The following IL27RA variants were observed in gnomAD, a reference collection of about 807,000 sequenced individuals.
The protein encoded by IL27RA is interleukin 27 receptor subunit alpha.
Under a neutral mutation model 80.8 loss-of-function variants are expected in IL27RA, and 61 were observed. The observed-to-expected ratio is 0.76, with a 90% CI of 0.61 to 0.93. IL27RA has a LOEUF of 0.93. IL27RA is among the 40% of genes least tolerant of loss of function. The pLI is 0.00. For synonymous variants in IL27RA, 316 were observed against 332.5 expected, an observed-to-expected ratio of 0.95 and a Z score of 0.54; for missense variants, 735 against 808.1, an observed-to-expected ratio of 0.91 and a Z score of 1.10.
intron 11 of IL27RA, among the ~76,000 whole-genome samples, chr19:14,051,315 C>T (rs191485626): frequency 1.4e-4 from 21 of 151,918 alleles, no homozygotes; most frequent in Admixed American, 6.6e-5. Flanking sequence ...GAGGCCGAGG[C>T]GGGTGGATCA....
chr19:14,031,938 G>A lies in IL27RA; in HGVS notation c.66G>A (p.Leu22=). 1.2e-6 allele frequency: 2 copies of A among 1,611,194 alleles called. No individual in the cohort carries two copies. Among genetic ancestry groups the A allele is most frequent in the Non-Finnish European group, 1.7e-6 (2 of 1,178,836 alleles). Residue 22 remains leucine, a synonymous_variant, in exon 1 of 14, where the codon CTG becomes CTA. Coordinates refer to ENST00000263379, the MANE Select transcript of IL27RA (RefSeq NM_004843.4). ...TGCCCAAGCTGGCGCTGCTGCCTCT[G>A]TTGTGGGTGCTTTTCCAGCGGACGC... is the stretch of plus-strand genomic sequence containing the variant. ...WPLPKLALLP[L]LWVLFQRTRP... is the part of the protein sequence containing the mutation.
chr19:14,051,821 C>T, intron 12 of IL27RA, 59 bp from the exon 13 acceptor site: 1 of 1,468,582 alleles, frequency 6.8e-7, no homozygotes, highest in Non-Finnish European at 9.4e-7. Context: ...AACCCTGCAC[C>T]CTGGGCTGGG....
chr19:14,044,365 G>T (rs180961749), intron 6 of IL27RA, among the ~76,000 whole-genome samples: 453 of 152,000 alleles, frequency 3.0e-3, no homozygotes, highest in Non-Finnish European at 5.2e-3. Flanking sequence ...TCAGCCTCCT[G>T]AGTAGCTGTG....
At chr19:14,035,871 C>T (rs933164714) in intron 2 of IL27RA, among the ~76,000 whole-genome samples, 2 of 152,006 alleles carry the variant, frequency 1.3e-5, no homozygotes, top group Non-Finnish European at 2.9e-5. Flanking sequence ...ACCTCAAACT[C>T]CTGGGCTCCA....
chr19:14,032,745 G>C (rs1452343182), intron 2 of IL27RA, among the ~76,000 whole-genome samples: 2 of 145,888 alleles, frequency 1.4e-5, no homozygotes, highest in East Asian at 4.0e-4. Flanking sequence ...GGCGGAGGTT[G>C]CAGTAAGCCC....
intron 1 of IL27RA, 104 bp from the exon 2 acceptor site, chr19:14,032,282 A>C: frequency 4.4e-6 from 4 of 901,296 alleles, no homozygotes; most frequent in Non-Finnish European, 7.0e-6. Flanking sequence ...TCATTTCCCT[A>C]AGCCCCCCCA....
intron 7 of IL27RA, 32 bp downstream of exon 7, chr19:14,046,369 C>G: frequency 6.2e-7 from 1 of 1,613,466 alleles, no homozygotes; most frequent in Non-Finnish European, 8.5e-7. Flanking sequence ...CAGCTCGGTG[C>G]CCTGGAGGGG....
In IL27RA at chr19:14,036,097, AAG is replaced by A. The variant is rs1370286933; in HGVS notation, c.219-3409_219-3408del. Among the ~76,000 whole-genome samples, 60 of 149,396 alleles carry A rather than the reference AAG, an allele frequency of 4.0e-4. 1 individual carries two copies. The highest frequency in any genetic ancestry group is 1.3e-3 in the African/African-American group (51 of 40,294). ...TCTATTAAAAAAAAAAAAAAGAAAG[AAG>A]AAGAAGAAGAAGAAGAGGAAGAGGA... On this transcript the variant is annotated intron_variant, in intron 2 of 13. Coordinates refer to ENST00000263379, the MANE Select transcript of IL27RA (RefSeq NM_004843.4).
intron 10 of IL27RA, among the ~76,000 whole-genome samples, chr19:14,049,826 C>A (rs1976132843): frequency 6.6e-6 from 1 of 151,952 alleles, no homozygotes; most frequent in African/African-American, 2.4e-5. Context: ...GATCCACCCA[C>A]CTCAGCCTCC....
At position 14,052,884 on chromosome 19, in the gene IL27RA, TAA is replaced by T. The variant is rs1976202008; in HGVS notation, c.*596_*597del. The T allele has an allele frequency of 1.6e-5, 1 of 61,144 alleles. No homozygotes were observed. Among genetic ancestry groups the T allele is most frequent in the Admixed American group, 1.6e-4 (1 of 6,320 alleles). The allele number at this position is 61,144 out of a possible 1,614,324, so 3.8% of individuals were successfully genotyped here. A position where few individuals can be genotyped will look rare whatever the true frequency, so the allele number is the denominator to read the frequency against. ...ACAGAATGAGACCTTATCTCAAAAA[TAA>T]ACAAACTAATAAAAAGCAAAAAAAA... is the stretch of plus-strand genomic sequence containing the variant. On this transcript the variant is annotated 3_prime_UTR_variant, in exon 14 of 14. Transcript: ENST00000263379.
rs1976210672 is a variant in IL27RA, at chr19:14,053,119, A to T, written c.*829A>T. 6.5e-6 allele frequency: 1 copy of T among 152,796 alleles called. No homozygotes were observed. The highest frequency in any genetic ancestry group is 2.4e-5 in the African/African-American group (1 of 41,438). 9.5% of individuals were successfully genotyped at this position (152,796 alleles called of 1,614,324 possible). A position where few individuals can be genotyped will look rare whatever the true frequency, so the allele number is the denominator to read the frequency against. On this transcript the variant is annotated 3_prime_UTR_variant, in exon 14 of 14. Coordinates refer to ENST00000263379, the MANE Select transcript of IL27RA (RefSeq NM_004843.4). ...CTATGATCCAGCTTTGGTCATACCC[A>T]AGGGGAAGGTGGAGCAAGAAATGAA...
chr19:14,051,708 T>G lies in IL27RA; in HGVS notation c.1622+8T>G. On this transcript the variant is annotated splice_region_variant and intron_variant, in intron 12 of 13. Transcript: ENST00000263379. ...CCTGGCCACCTCTGGAAGGTGAGGC[T>G]GTCGGATACATGCATCTCTACCCAC... 1 of 1,590,040 alleles carries G rather than the reference T, an allele frequency of 6.3e-7. No homozygotes were observed. Among genetic ancestry groups the G allele is most frequent in the Non-Finnish European group, 8.6e-7 (1 of 1,163,512 alleles).
At chr19:14,045,939 C>T (rs1441612503) in intron 6 of IL27RA, among the ~76,000 whole-genome samples, 4 of 151,726 alleles carry the variant, frequency 2.6e-5, no homozygotes, top group South Asian at 2.1e-4. Flanking sequence ...GCAGGAACAT[C>T]GCTTGAACCC....
At chr19:14,038,030 C>T (rs903813892) in intron 2 of IL27RA, among the ~76,000 whole-genome samples, 4 of 151,836 alleles carry the variant, frequency 2.6e-5, no homozygotes, top group African/African-American at 9.7e-5. Context: ...GGGGGTTTCA[C>T]CGTGTTGGCC....
chr19:14,042,671 A>C, intron 5 of IL27RA, 45 bp from the exon 6 acceptor site: 20 of 1,613,932 alleles, frequency 1.2e-5, no homozygotes, highest in Non-Finnish European at 1.6e-5. Context: ...AAGTCTGTCC[A>C]ATCATGTCCC....
chr19:14,052,491 C>G lies in IL27RA; in HGVS notation c.*201C>G. 2.2e-6 allele frequency: 1 copy of G among 449,496 alleles called. No homozygotes were observed. The allele number at this position is 449,496 out of a possible 1,614,324, so 27.8% of individuals were successfully genotyped here. A position where few individuals can be genotyped will look rare whatever the true frequency, so the allele number is the denominator to read the frequency against. ...AAGGGCTTGGCCCCCATGGGGAAGACACGGATGGAAGGTGGAGCAAAGGAA... is the reference window on the plus strand; with the variant it reads ...AAGGGCTTGGCCCCCATGGGGAAGAGACGGATGGAAGGTGGAGCAAAGGAA... On this transcript the variant is annotated 3_prime_UTR_variant, in exon 14 of 14. Transcript: ENST00000263379.
intron 2 of IL27RA, among the ~76,000 whole-genome samples, chr19:14,035,230 CAA>C (rs1379080356): frequency 6.6e-6 from 1 of 152,102 alleles, no homozygotes; most frequent in Non-Finnish European, 1.5e-5. Flanking sequence ...CTACTGGCCT[CAA>C]GAGATCCACC....
intron 10 of IL27RA, 74 bp downstream of exon 10, chr19:14,049,388 T>C (rs1303541866): frequency 4.0e-6 from 6 of 1,504,910 alleles, no homozygotes; most frequent in Non-Finnish European, 4.5e-6. Context: ...CCACCCCTTG[T>C]CCCCACGTGG....
rs756414690 is a variant in IL27RA at position 14,051,877 on chromosome 19, C to G, written c.1623-3C>G. 2 of 1,575,902 alleles carry G rather than the reference C, an allele frequency of 1.3e-6. No individual in the cohort carries two copies. Among genetic ancestry groups the G allele is most frequent in the African/African-American group, 1.3e-5 (1 of 74,136 alleles). Reference sequence around the variant, plus strand: ...GCTGCCCTGACTACTCCTGTCTTGCCAGGTGCTACCACCTAAGGCACAAAG... The same window carrying G: ...GCTGCCCTGACTACTCCTGTCTTGCGAGGTGCTACCACCTAAGGCACAAAG... On this transcript the variant is annotated splice_polypyrimidine_tract_variant and splice_region_variant and intron_variant, in intron 12 of 13. Transcript: ENST00000263379.
Sources: gnomAD v4.1 joint callset for allele counts (sites outside exome capture counted in the v4.1 genomes callset) on GRCh38, gnomAD v4.1.1 for gene constraint, MANE v1.5 for transcripts, NCBI Gene and HGNC (gene_info 2026-07-23, HGNC 2026-07-21) for gene names.